SLC12A7: variants seen among roughly 807,000 people sequenced by gnomAD.
SLC12A7 encodes the protein K-Cl cotransporter 4.
Under a neutral mutation model 120.6 loss-of-function variants are expected in SLC12A7, and 100 were observed. The ratio of observed to expected loss-of-function variants is 0.83; its 90% CI spans 0.71 to 0.98. The LOEUF is 0.98. Ranked by LOEUF, SLC12A7 falls within the 50% of genes least tolerant of loss-of-function variation. The pLI is 0.00. For synonymous variants in SLC12A7, 760 were observed against 678.0 expected, an observed-to-expected ratio of 1.12 and a Z score of -1.88; for missense variants, 1,373 against 1,548.1, an observed-to-expected ratio of 0.89 and a Z score of 1.90.
intron 1 of SLC12A7, among the ~76,000 whole-genome samples, chr5:1,103,824 G>A (rs1486472269): frequency 6.6e-6 from 1 of 152,254 alleles, no homozygotes; most frequent in Non-Finnish European, 1.5e-5. Context: ...GGCCTCGGGT[G>A]AACTCACTTC....
chr5:1,089,169 C>G, intron 3 of SLC12A7, 41 bp from the exon 4 acceptor site: 1 of 1,598,216 alleles, frequency 6.3e-7, no homozygotes, highest in South Asian at 1.1e-5. Context: ...TCGTACCCCA[C>G]ACCCAGAGGG....
At chr5:1,121,136 C>T in the SLC12A7 span, among the ~76,000 whole-genome samples, 1 of 152,256 alleles carries the variant, frequency 6.6e-6, no homozygotes, top group Non-Finnish European at 1.5e-5. Flanking sequence ...CCCCGCATCC[C>T]TCATCTTGCA....
chr5:1,153,826 CTT>C, the SLC12A7 span, among the ~76,000 whole-genome samples: 2 of 152,158 alleles, frequency 1.3e-5, no homozygotes, highest in African/African-American at 4.8e-5. Flanking sequence ...AGAGAGAAAA[CTT>C]TGTGTGCATC....
the SLC12A7 span, among the ~76,000 whole-genome samples, chr5:1,153,789 C>G: frequency 6.6e-6 from 1 of 152,150 alleles, no homozygotes; most frequent in Non-Finnish European, 1.5e-5. Flanking sequence ...GAACGTGCAC[C>G]CTGGTGAGCA....
chr5:1,138,260 G>C, the SLC12A7 span, among the ~76,000 whole-genome samples: 1 of 152,100 alleles, frequency 6.6e-6, no homozygotes, highest in East Asian at 1.9e-4. Flanking sequence ...CTGCCGGCGG[G>C]GTGGGGCAGG....
At chr5:1,101,575 C>A (rs1214532628) in intron 1 of SLC12A7, among the ~76,000 whole-genome samples, 3 of 152,246 alleles carry the variant, frequency 2.0e-5, no homozygotes, top group African/African-American at 7.2e-5. Flanking sequence ...GAGGTCAAGC[C>A]CTGGCCTGAA....
Position 1,053,332 on chromosome 5 carries a change from A to G in SLC12A7, c.3160+17T>C, listed in dbSNP as rs750988461. ...GGGTGCCCGCACGCTCAGCAGGCAC[A>G]CTGCAAGAAAGGATACAGTTCTCGT... On this transcript the variant is annotated intron_variant, in intron 23 of 23. Coordinates refer to ENST00000264930, the MANE Select transcript of SLC12A7 (RefSeq NM_006598.3). The G allele has an allele frequency of 2.5e-6, 4 of 1,612,298 alleles. No homozygotes were observed. The South Asian group carries it at 4.4e-5, about 18-fold the overall frequency.
the SLC12A7 span, among the ~76,000 whole-genome samples, chr5:1,137,987 G>A: frequency 6.6e-6 from 1 of 152,184 alleles, no homozygotes; most frequent in South Asian, 2.1e-4. Context: ...GTTCCTGAGT[G>A]ACCCTGGAGC....
the SLC12A7 span, among the ~76,000 whole-genome samples, chr5:1,141,496 T>C: frequency 6.6e-6 from 1 of 152,124 alleles, no homozygotes; most frequent in Non-Finnish European, 1.5e-5. Flanking sequence ...TGTCCCTGCC[T>C]CCCTCTCTGT....
At chr5:1,097,239 G>A (rs149909910) in intron 1 of SLC12A7, among the ~76,000 whole-genome samples, 2 of 152,288 alleles carry the variant, frequency 1.3e-5, no homozygotes, top group East Asian at 1.9e-4. Context: ...TAGGAAAAAC[G>A]TGTACACAGC....
At chr5:1,138,011 G>A in the SLC12A7 span, among the ~76,000 whole-genome samples, 22 of 152,150 alleles carry the variant, frequency 1.4e-4, no homozygotes, top group Non-Finnish European at 1.3e-4. Flanking sequence ...GATAGCCGCC[G>A]GCACCCGCCC....
At chr5:1,119,757 A>C in the SLC12A7 span, among the ~76,000 whole-genome samples, 1 of 152,242 alleles carries the variant, frequency 6.6e-6, no homozygotes, top group Non-Finnish European at 1.5e-5. Context: ...GCAGACCAGA[A>C]CACGCCCGAT....
chr5:1,066,376 G>A (rs544054630), intron 17 of SLC12A7, among the ~76,000 whole-genome samples: 2 of 152,270 alleles, frequency 1.3e-5, no homozygotes, highest in South Asian at 2.1e-4. Flanking sequence ...TGGGAGCTCC[G>A]AGCAATGAGA....
intron 1 of SLC12A7, among the ~76,000 whole-genome samples, chr5:1,098,111 C>A (rs1369937566): frequency 1.5e-5 from 2 of 132,472 alleles, no homozygotes; most frequent in South Asian, 2.7e-4. Context: ...GCACACCCAG[C>A]CCCCCTCTAA....
chr5:1,097,182 T>C lies in SLC12A7; in HGVS notation c.125-2934A>G, dbSNP rs139161041. On this transcript the variant is annotated intron_variant, in intron 1 of 23. Coordinates refer to ENST00000264930, the MANE Select transcript of SLC12A7 (RefSeq NM_006598.3). ...GTCTTAGCATGTAACTATGTCTGCG[T>C]TCAGCAAGCAACCACTGTTTATCTG... Among the ~76,000 whole-genome samples, 16 of 152,266 alleles carry C rather than the reference T, an allele frequency of 1.1e-4. No individual in the cohort carries two copies. In the East Asian group the frequency reaches 3.1e-3, roughly 29 times the overall value.
At chr5:1,138,982 C>T in the SLC12A7 span, among the ~76,000 whole-genome samples, 4 of 152,250 alleles carry the variant, frequency 2.6e-5, no homozygotes, top group Non-Finnish European at 5.9e-5. Flanking sequence ...GACCTGCACC[C>T]ACCACCCAGG....
intron 17 of SLC12A7, among the ~76,000 whole-genome samples, chr5:1,069,414 G>T (rs953194444): frequency 1.3e-5 from 2 of 152,224 alleles, no homozygotes; most frequent in African/African-American, 4.8e-5. Flanking sequence ...GGCGGTGGGG[G>T]GCGGCTGCAG....
intron 1 of SLC12A7, among the ~76,000 whole-genome samples, chr5:1,095,164 A>C (rs1169351335): frequency 1.3e-5 from 2 of 150,536 alleles, no homozygotes; most frequent in Non-Finnish European, 3.0e-5. Flanking sequence ...CCATGGGAGG[A>C]CACGGCAGGG....
chr5:1,112,000 G>A lies in SLC12A7; in HGVS notation c.-9C>T. 7.9e-7 allele frequency: 1 copy of A among 1,268,876 alleles called. No homozygotes were observed. Among genetic ancestry groups the A allele is most frequent in the Non-Finnish European group, 9.9e-7 (1 of 1,008,178 alleles). 78.6% of individuals were successfully genotyped at this position (1,268,876 alleles called of 1,614,324 possible). A position where few individuals can be genotyped will look rare whatever the true frequency, so the allele number is the denominator to read the frequency against. On this transcript the variant is annotated 5_prime_UTR_variant, in exon 1 of 24. Transcript: ENST00000264930. ...GTGAAGTTGGTGGGCATGGCCGCCT[G>A]CAGCCGACAGTCCCCGTCCCGGCCC...
Sources: gnomAD v4.1 joint callset for allele counts (sites outside exome capture counted in the v4.1 genomes callset) on GRCh38, gnomAD v4.1.1 for gene constraint, MANE v1.5 for transcripts, NCBI Gene and HGNC (gene_info 2026-07-23, HGNC 2026-07-21) for gene names.